The following PLA2G5 variants were observed in gnomAD, a reference collection of about 807,000 sequenced individuals.
PLA2G5 encodes the protein phospholipase A2 group V.
PLA2G5 carries 12 observed loss-of-function variants against 15.9 expected under a neutral mutation model. That is an observed-to-expected ratio of 0.76 (90% CI 0.48 to 1.23). The LOEUF (loss-of-function observed/expected upper bound fraction) is 1.23. Among genes scored for constraint, PLA2G5 ranks in the 50% most tolerant of loss-of-function variants. The probability of loss-of-function intolerance (pLI) is 0.00; values close to 1 mark genes in which losing one functional copy is unlikely to be tolerated. For synonymous variants in PLA2G5, 71 were observed against 71.4 expected (o/e 0.99, Z 0.03); for missense variants, 169 against 177.1 (o/e 0.95, Z 0.26).
chr1:20,045,104 T>C (rs978388521), intron 1 of PLA2G5, among the ~76,000 whole-genome samples: 1 of 152,170 alleles, frequency 6.6e-6, no homozygotes, highest in Non-Finnish European at 1.5e-5. Flanking sequence ...TGAGTTTGTA[T>C]TGGGGTCAAG....
At chr1:20,032,776 C>T (rs1463607057) in intron 1 of PLA2G5, among the ~76,000 whole-genome samples, 1 of 152,124 alleles carries the variant, frequency 6.6e-6, no homozygotes, top group African/African-American at 2.4e-5. Flanking sequence ...GTTTGTTCTT[C>T]CTGGGTATAT....
At chr1:20,033,479 G>A (rs1002146367) in intron 1 of PLA2G5, among the ~76,000 whole-genome samples, 6 of 152,314 alleles carry the variant, frequency 3.9e-5, no homozygotes, top group African/African-American at 1.4e-4. Flanking sequence ...AGAAGGGATT[G>A]ATGGCTTATG....
chr1:20,049,830 T>C (rs968678878), intron 1 of PLA2G5, among the ~76,000 whole-genome samples: 4 of 152,206 alleles, frequency 2.6e-5, no homozygotes, highest in African/African-American at 9.6e-5. Flanking sequence ...CAACTTTTAT[T>C]ACATCTCACC....
chr1:20,084,922 C>T (rs749829197), intron 2 of PLA2G5, 52 bp downstream of exon 2: 20 of 1,296,676 alleles, frequency 1.5e-5, no homozygotes, highest in Non-Finnish European at 2.2e-5. Context: ...ATGGGAGTAA[C>T]AGGGTGGTGA....
intron 1 of PLA2G5, among the ~76,000 whole-genome samples, chr1:20,073,428 GCTAGGC>G (rs2015489871): frequency 6.6e-6 from 1 of 152,216 alleles, no homozygotes; most frequent in Non-Finnish European, 1.5e-5. Flanking sequence ...GCATGTGCAT[GCTAGGC>G]TGACACCCAG....
intron 1 of PLA2G5, among the ~76,000 whole-genome samples, chr1:20,055,287 C>T (rs1310223888): frequency 2.0e-5 from 3 of 152,156 alleles, no homozygotes; most frequent in Admixed American, 6.6e-5. Context: ...AATTCTCTTT[C>T]CCGTATGGTT....
rs541738978 is a variant in PLA2G5 at position 20,031,158 on chromosome 1, G to A, written n.276+2449G>A. Among the ~76,000 whole-genome samples the A allele has an allele frequency of 2.6e-5, 4 of 152,304 alleles. No individual in the cohort carries two copies. In the South Asian group the frequency reaches 8.3e-4, roughly 32 times the overall value. ...CATTGTGGTTCTGATAGGGCTGAAGGATATAGGTTGCAGTCGAGAGAATGG... is the reference window on the plus strand; with the variant it reads ...CATTGTGGTTCTGATAGGGCTGAAGAATATAGGTTGCAGTCGAGAGAATGG... On this transcript the variant is annotated intron_variant and non_coding_transcript_variant, in intron 1 of 6. Transcript: ENST00000460175.
chr1:20,031,463 G>A (rs1231843158), intron 1 of PLA2G5, among the ~76,000 whole-genome samples: 3 of 152,164 alleles, frequency 2.0e-5, no homozygotes, highest in Non-Finnish European at 4.4e-5. Context: ...CATAGCTCCT[G>A]GATTAGTGTA....
intron 2 of PLA2G5, among the ~76,000 whole-genome samples, chr1:20,085,451 C>T (rs1037316883): frequency 6.6e-6 from 1 of 152,134 alleles, no homozygotes; most frequent in African/African-American, 2.4e-5. Flanking sequence ...GCCTTGGGCT[C>T]ACTGTGAAAC....
At chr1:20,051,804 C>A (rs1252728608) in intron 1 of PLA2G5, among the ~76,000 whole-genome samples, 1 of 152,122 alleles carries the variant, frequency 6.6e-6, no homozygotes, top group Admixed American at 6.5e-5. Context: ...AGTCCCTGTA[C>A]AGGGTTCCTG....
intron 1 of PLA2G5, among the ~76,000 whole-genome samples, chr1:20,055,343 G>A (rs2014382542): frequency 6.6e-6 from 1 of 152,170 alleles, no homozygotes; most frequent in Non-Finnish European, 1.5e-5. Context: ...AGATTTTTAG[G>A]GGCGGAAATA....
chr1:20,090,209 TTCAAGC>T (rs1196828436), intron 4 of PLA2G5, among the ~76,000 whole-genome samples: 3 of 152,196 alleles, frequency 2.0e-5, no homozygotes, highest in African/African-American at 7.2e-5. Flanking sequence ...CACAGCAGGA[TTCAAGC>T]TCAGGGCCTC....
At chr1:20,060,357 G>A (rs762441942) in intron 2 of PLA2G5, among the ~76,000 whole-genome samples, 3 of 141,872 alleles carry the variant, frequency 2.1e-5, no homozygotes, top group Admixed American at 1.5e-4. Flanking sequence ...AGATTCAAGC[G>A]ATTCTCCTGC....
chr1:20,045,606 G>A (rs563861201), intron 1 of PLA2G5, among the ~76,000 whole-genome samples: 6 of 152,320 alleles, frequency 3.9e-5, no homozygotes, highest in East Asian at 1.9e-4. Context: ...TAGTGACAGA[G>A]GTTGGAGAAG....
intron 1 of PLA2G5, among the ~76,000 whole-genome samples, chr1:20,034,411 A>G (rs1047733392): frequency 2.0e-5 from 3 of 152,180 alleles, no homozygotes; most frequent in African/African-American, 4.8e-5. Flanking sequence ...TGTGTGGTAG[A>G]TAGGGGAATA....
chr1:20,087,458 A>G (rs562522591), intron 3 of PLA2G5, among the ~76,000 whole-genome samples: 44 of 152,092 alleles, frequency 2.9e-4, no homozygotes, highest in African/African-American at 1.0e-3. Context: ...CAGTGGCGCA[A>G]TCTCGGCTCA....
chr1:20,086,445 T>A (rs182693047), intron 3 of PLA2G5, among the ~76,000 whole-genome samples: 46 of 152,340 alleles, frequency 3.0e-4, no homozygotes, highest in African/African-American at 1.1e-3. Flanking sequence ...ATGTAGTAGC[T>A]TATACAGCAC....
Position 20,090,689 on chromosome 1 carries a change from C to T in PLA2G5, c.414C>T (p.Ser138=). 6.2e-7 allele frequency: 1 copy of T among 1,614,162 alleles called. No individual in the cohort carries two copies. Among genetic ancestry groups the T allele is most frequent in the Non-Finnish European group, 8.5e-7 (1 of 1,179,978 alleles). Residue 138 remains serine (S), a synonymous_variant, in exon 5 of 5, where the codon TCC becomes TCT. Transcript: ENST00000375108. ...QYQYFPNILC[S] is the part of the protein sequence containing the mutation. ...AATACTTTCCCAACATCCTCTGCTCCTAGGCCTCCCCAGCGAGCTCCTCCC... is the reference window on the plus strand; with the variant it reads ...AATACTTTCCCAACATCCTCTGCTCTTAGGCCTCCCCAGCGAGCTCCTCCC...
At chr1:20,045,089 A>G (rs1293600064) in intron 1 of PLA2G5, among the ~76,000 whole-genome samples, 1 of 152,172 alleles carries the variant, frequency 6.6e-6, no homozygotes, top group Admixed American at 6.5e-5. Flanking sequence ...ATTTGGAACC[A>G]TTGTTGAGTT....
Sources: allele counts gnomAD v4.1 joint callset (sites outside exome capture counted in the v4.1 genomes callset), GRCh38; gene constraint gnomAD v4.1.1; transcripts MANE v1.5; gene names NCBI Gene and HGNC (gene_info 2026-07-23, HGNC 2026-07-21).